USP7: variants seen among roughly 807,000 people sequenced by gnomAD.
The protein encoded by USP7 is ubiquitin C-terminal hydrolase 7.
A neutral mutation model predicts 162.9 loss-of-function variants in USP7; 9 were observed. The observed-to-expected ratio is 0.06, with a 90% CI of 0.03 to 0.10. The LOEUF (loss-of-function observed/expected upper bound fraction) is 0.10. Among genes scored for constraint, USP7 ranks in the 10% least tolerant of loss-of-function variants. The probability of loss-of-function intolerance (pLI) is 1.00; values close to 1 mark genes in which losing one functional copy is unlikely to be tolerated. For missense variants in USP7, 715 were observed against 1,373.7 expected (o/e 0.52, Z 7.58); for synonymous variants, 562 against 475.9 (o/e 1.18, Z -2.35).
At chr16:8,952,492 G>A (rs78480835) in intron 1 of USP7, among the ~76,000 whole-genome samples, 1 of 152,130 alleles carries the variant, frequency 6.6e-6, no homozygotes, top group Non-Finnish European at 1.5e-5. Context: ...AGGGGGAAAT[G>A]TTTCCCTGCC....
At chr16:8,945,808 T>C (rs893164920) in intron 1 of USP7, among the ~76,000 whole-genome samples, 4 of 151,868 alleles carry the variant, frequency 2.6e-5, no homozygotes, top group Admixed American at 1.3e-4. Flanking sequence ...CCCAGCACTT[T>C]AGGAAGCCAA....
Position 8,901,055 on chromosome 16 carries a change from C to A in USP7, c.2143G>T (p.Asp715Tyr). The change falls in exon 20 of 31, where the codon GAC becomes TAC. Residue 715 changes from aspartate to tyrosine, a missense_variant and splice_region_variant. Coordinates refer to ENST00000344836, the MANE Select transcript of USP7 (RefSeq NM_003470.3). ...IYTPISCKIR[D>Y]LLPVMCDRAG... ...CTGTCACACATAACTGGGAGCAAGTCACCTAGGAGAAAGAAGATATTTTAA... is the reference window on the plus strand; with the variant it reads ...CTGTCACACATAACTGGGAGCAAGTAACCTAGGAGAAAGAAGATATTTTAA... 6.2e-7 allele frequency: 1 copy of A among 1,614,114 alleles called. No homozygotes were observed. Among genetic ancestry groups the A allele is most frequent in the Non-Finnish European group, 8.5e-7 (1 of 1,179,996 alleles).
rs375640158 is a variant in USP7 at position 8,952,815 on chromosome 16, C to T, written c.79+10392G>A. 2.0e-4 allele frequency among the ~76,000 whole-genome samples: 30 copies of T among 152,134 alleles called. No homozygotes were observed. In the East Asian group the frequency reaches 4.6e-3, roughly 23 times the overall value. ...CCCAAACTCATCCTGCTATTCCACC[C>T]CTCCCGCCTGTGACCACACTCGCTT... is the stretch of plus-strand genomic sequence containing the variant. On this transcript the variant is annotated intron_variant, in intron 1 of 30. Coordinates refer to ENST00000344836, the MANE Select transcript of USP7 (RefSeq NM_003470.3).
chr16:8,947,841 G>A (rs1041031733), intron 1 of USP7, among the ~76,000 whole-genome samples: 19 of 152,186 alleles, frequency 1.2e-4, no homozygotes, highest in Admixed American at 8.5e-4. Context: ...GGCATGCCAT[G>A]CCCCTCCCTG....
Position 8,906,614 on chromosome 16 carries a change from A to G in USP7, c.1272-32T>C, listed in dbSNP as rs754746569. ...GAAAACATTTTAAAAGAAATTCAGTATTAATTTACACAAAAAATATCACAC... is the reference window on the plus strand; with the variant it reads ...GAAAACATTTTAAAAGAAATTCAGTGTTAATTTACACAAAAAATATCACAC... On this transcript the variant is annotated intron_variant, in intron 12 of 30. Coordinates refer to ENST00000344836, the MANE Select transcript of USP7 (RefSeq NM_003470.3). 4 of 1,594,024 alleles carry G rather than the reference A, an allele frequency of 2.5e-6. No individual in the cohort carries two copies. The South Asian group carries it at 4.5e-5, about 18-fold the overall frequency.
rs75122251 is a variant in USP7, at chr16:8,960,100, T to C, written c.79+3107A>G. Among the ~76,000 whole-genome samples, 355 of 152,324 alleles carry C rather than the reference T, an allele frequency of 2.3e-3. 2 individuals carry two copies. Among genetic ancestry groups the C allele is most frequent in the African/African-American group, 7.1e-3 (296 of 41,572 alleles). On this transcript the variant is annotated intron_variant, in intron 1 of 30. Coordinates refer to ENST00000344836, the MANE Select transcript of USP7 (RefSeq NM_003470.3). The stretch of plus-strand genomic sequence containing the variant: ...GGCAGAGACCCATGCAAGTCACTCC[T>C]TCAGCCCCTAGACTTCCATGGCCAC...
In USP7 at chr16:8,944,995, T is replaced by C. The variant is rs529453812; in HGVS notation, c.80-14598A>G. Among the ~76,000 whole-genome samples, 4 of 152,274 alleles carry C rather than the reference T, an allele frequency of 2.6e-5. No homozygotes were observed. The East Asian group carries it at 7.7e-4, about 29-fold the overall frequency. On this transcript the variant is annotated intron_variant, in intron 1 of 30. Coordinates refer to ENST00000344836, the MANE Select transcript of USP7 (RefSeq NM_003470.3). ...GACCGGGCGCAGTGGCTCACGCCTG[T>C]AATCCCAGCACTTTGGGAGACCAAG...
intron 1 of USP7, among the ~76,000 whole-genome samples, chr16:8,931,867 C>G (rs530781265): frequency 6.6e-6 from 1 of 152,354 alleles, no homozygotes; most frequent in East Asian, 1.9e-4. Context: ...ATGCTGGCCC[C>G]ACGGTTGCCT....
In USP7 at chr16:8,893,157, GCTTA is replaced by G. The variant is rs2061626370; in HGVS notation, c.*837_*840del. 6.6e-6 allele frequency: 1 copy of G among 151,856 alleles called. No homozygotes were observed. Among genetic ancestry groups the G allele is most frequent in the Non-Finnish European group, 1.5e-5 (1 of 67,982 alleles). The allele number at this position is 151,856 out of a possible 1,614,324, so 9.4% of individuals were successfully genotyped here. A position where few individuals can be genotyped will look rare whatever the true frequency, so the allele number is the denominator to read the frequency against. On this transcript the variant is annotated 3_prime_UTR_variant, in exon 31 of 31. Transcript: ENST00000344836. ...TTTTAACTTTTTTACAAAGTCGACA[GCTTA>G]CTAACCACTAGTGAGCATGCCCTCT...
intron 10 of USP7, 130 bp downstream of exon 10, chr16:8,915,124 C>G (rs1017521416): frequency 1.2e-5 from 10 of 848,988 alleles, no homozygotes; most frequent in South Asian, 1.8e-5. Flanking sequence ...ACCCAGTGAG[C>G]TGTTTGCTTA....
chr16:8,939,547 C>A (rs1458435412), intron 1 of USP7, among the ~76,000 whole-genome samples: 1 of 152,164 alleles, frequency 6.6e-6, no homozygotes, highest in East Asian at 1.9e-4. Flanking sequence ...AAGAAGTAAA[C>A]ACAAGCAAGC....
At chr16:8,936,556 G>C (rs533651660) in intron 1 of USP7, 1 of 1,520,438 alleles carries the variant, frequency 6.6e-7, no homozygotes, top group South Asian at 1.2e-5. Flanking sequence ...ACCAGCATAA[G>C]GAGCTCAACC....
chr16:8,947,264 A>AT (rs966503632), intron 1 of USP7, among the ~76,000 whole-genome samples: 2 of 152,286 alleles, frequency 1.3e-5, no homozygotes, highest in South Asian at 2.1e-4. Context: ...GAAAATAATT[A>AT]TTTTTTATAC....
intron 18 of USP7, 168 bp downstream of exon 18, chr16:8,901,914 C>T: frequency 1.6e-6 from 1 of 640,326 alleles, no homozygotes; most frequent in Non-Finnish European, 2.7e-6. Context: ...AAACTCGCAG[C>T]CAAGTCAGTC....
intron 1 of USP7, among the ~76,000 whole-genome samples, chr16:8,938,908 T>G (rs1380778078): frequency 1.3e-5 from 2 of 152,204 alleles, no homozygotes; most frequent in African/African-American, 4.8e-5. Flanking sequence ...CTACACTGTT[T>G]TGTATGAGGA....
intron 1 of USP7, among the ~76,000 whole-genome samples, chr16:8,955,818 T>A (rs1899774945): frequency 6.6e-6 from 1 of 152,044 alleles, no homozygotes; most frequent in Non-Finnish European, 1.5e-5. Flanking sequence ...GTCAATGGCT[T>A]ACAGCTTTTT....
At position 8,902,449 on chromosome 16, in the gene USP7, T is replaced by C. The variant is rs2061789414; in HGVS notation, c.1873A>G (p.Met625Val). The change falls in exon 17 of 31, where the codon ATG (methionine) becomes GTG (valine). Residue 625 changes from methionine (M) to valine (V), a missense_variant. Coordinates refer to ENST00000344836, the MANE Select transcript of USP7 (RefSeq NM_003470.3). The stretch of plus-strand genomic sequence containing the variant: ...TTTGTTCCATTACTCCTTGCTTGCA[T>C]GGGCCACAATCGAATTTGATCTTGT... ...FPQDQIRLWP[M>V]QARSNGTKRP... 1 of 1,614,034 alleles carries C rather than the reference T, an allele frequency of 6.2e-7. No individual in the cohort carries two copies. Among genetic ancestry groups the C allele is most frequent in the Non-Finnish European group, 8.5e-7 (1 of 1,180,006 alleles).
At chr16:8,896,121 G>A (rs574454495) in intron 26 of USP7, among the ~76,000 whole-genome samples, 2 of 149,968 alleles carry the variant, frequency 1.3e-5, no homozygotes, top group South Asian at 2.1e-4. Flanking sequence ...TTATAGGTGT[G>A]AGCCACCATG....
chr16:8,901,167 G>A lies in USP7; in HGVS notation c.2115C>T (p.Ile705=). The A allele has an allele frequency of 6.2e-7, 1 of 1,613,990 alleles. No individual in the cohort carries two copies. The highest frequency in any genetic ancestry group is 8.5e-7 in the Non-Finnish European group (1 of 1,179,860). ...GTATTTTACAGGATATTGGTGTGTA[G>A]ATATGCCCACAGTAATTCAAGCTCC... ...KTRSLNYCGH[I]YTPISCKIRD... The change falls in exon 19 of 31, where the codon ATC becomes ATT. Residue 705 remains isoleucine, a synonymous_variant. Coordinates refer to ENST00000344836, the MANE Select transcript of USP7 (RefSeq NM_003470.3).
Sources: allele counts gnomAD v4.1 joint callset (sites outside exome capture counted in the v4.1 genomes callset), GRCh38; gene constraint gnomAD v4.1.1; transcripts MANE v1.5; gene names NCBI Gene and HGNC (gene_info 2026-07-23, HGNC 2026-07-21).